Variants in FHIT observed in about 807,000 individuals in gnomAD.
FHIT encodes the protein bis(5'-adenosyl)-triphosphatase.
Under a neutral mutation model 17.9 loss-of-function variants are expected in FHIT, and 19 were observed. The observed-to-expected ratio is 1.06, with a 90% confidence interval of 0.74 to 1.56. The LOEUF (loss-of-function observed/expected upper bound fraction) is 1.56. Among genes scored for constraint, FHIT ranks in the 40% most tolerant of loss-of-function variants. The pLI, the probability that FHIT is intolerant of heterozygous loss-of-function variation, is 0.00. For missense variants in FHIT, 248 were observed against 189.2 expected (o/e 1.31, Z -1.82); for synonymous variants, 81 against 69.7 (o/e 1.16, Z -0.81).
intron 5 of FHIT, among the ~76,000 whole-genome samples, chr3:60,450,909 C>T (rs1195001143): frequency 1.3e-5 from 2 of 152,096 alleles, no homozygotes; most frequent in African/African-American, 4.8e-5. Flanking sequence ...AAATAGTAGA[C>T]TATTTTTCTC....
At chr3:59,977,880 G>A (rs572619979) in intron 7 of FHIT, among the ~76,000 whole-genome samples, 22 of 152,174 alleles carry the variant, frequency 1.4e-4, no homozygotes, top group African/African-American at 5.3e-4. Flanking sequence ...AGTGATATTT[G>A]GAATATTCAG....
chr3:60,022,651 A>C (rs1700595349), intron 5 of FHIT, among the ~76,000 whole-genome samples: 1 of 152,170 alleles, frequency 6.6e-6, no homozygotes, highest in Non-Finnish European at 1.5e-5. Context: ...ACCCCAACCA[A>C]CTTGTAGTAG....
intron 4 of FHIT, among the ~76,000 whole-genome samples, chr3:60,788,117 T>C (rs1284557622): frequency 2.0e-5 from 3 of 152,204 alleles, no homozygotes; most frequent in Non-Finnish European, 4.4e-5. Context: ...AAAGTTTACA[T>C]ATTAATCAAT....
rs1553657965 is a variant in FHIT, at chr3:59,749,515, C to CCG, written c.*69_*70insCG. On this transcript the variant is annotated 3_prime_UTR_variant, in exon 10 of 10. Transcript: ENST00000492590. ...TGATTCAGTTCCTCTTGGGGAGAGG[C>CCG]GGGGGGCGGTCTTCAAACTGGTTGG... 2.0e-3 allele frequency: 462 copies of CCG among 229,524 alleles called. 3 individuals carry two copies. The highest frequency in any genetic ancestry group is 9.4e-3 in the African/African-American group (424 of 44,942). The allele number at this position is 229,524 out of a possible 1,614,324, so 14.2% of individuals were successfully genotyped here. A position where few individuals can be genotyped will look rare whatever the true frequency, so the allele number is the denominator to read the frequency against.
chr3:60,664,336 A>T (rs1432316461), intron 4 of FHIT, among the ~76,000 whole-genome samples: 1 of 152,082 alleles, frequency 6.6e-6, no homozygotes, highest in African/African-American at 2.4e-5. Flanking sequence ...ATCCTACTTC[A>T]TCATATTACA....
At chr3:61,131,564 G>A (rs537686206) in intron 2 of FHIT, among the ~76,000 whole-genome samples, 1 of 152,322 alleles carries the variant, frequency 6.6e-6, no homozygotes, top group East Asian at 1.9e-4. Context: ...CACTGGACAT[G>A]CAAAGTGGCC....
At position 60,023,955 on chromosome 3, in the gene FHIT, T is replaced by G. The variant is rs181754406; in HGVS notation, c.104-9803A>C. ...GTGAACCAGTCCAGACTCAACTTAC[T>G]TAAATGTAAACCATTAAGAAAAATA... On this transcript the variant is annotated intron_variant, in intron 5 of 9. Transcript: ENST00000492590. 1.2e-4 allele frequency among the ~76,000 whole-genome samples: 18 copies of G among 150,886 alleles called. No homozygotes were observed. In the East Asian group the frequency reaches 3.1e-3, roughly 26 times the overall value.
chr3:60,967,236 G>A (rs1228167915), intron 3 of FHIT, among the ~76,000 whole-genome samples: 1 of 152,168 alleles, frequency 6.6e-6, no homozygotes, highest in African/African-American at 2.4e-5. Flanking sequence ...GTATTTGTGG[G>A]AATATGTATG....
intron 5 of FHIT, among the ~76,000 whole-genome samples, chr3:60,014,993 T>C (rs936385275): frequency 6.6e-6 from 1 of 151,752 alleles, no homozygotes; most frequent in Non-Finnish European, 1.5e-5. Context: ...TTTCAGTCAC[T>C]ATACACACAT....
chr3:60,215,067 C>A (rs944056487), intron 5 of FHIT, among the ~76,000 whole-genome samples: 1 of 152,040 alleles, frequency 6.6e-6, no homozygotes, highest in African/African-American at 2.4e-5. Flanking sequence ...CAATCATGTA[C>A]GATACTCACT....
chr3:60,809,646 T>G lies in FHIT; in HGVS notation c.-18+12273A>C, dbSNP rs375433338. On this transcript the variant is annotated intron_variant, in intron 4 of 9. Transcript: ENST00000492590. ...ACCCAGAGCTCTTATTAAAAACAGA[T>G]TCCTGGGCCCTGACCCCAAAGAATC... Among the ~76,000 whole-genome samples, 5 of 152,292 alleles carry G rather than the reference T, an allele frequency of 3.3e-5. 1 individual carries two copies. The highest frequency in any genetic ancestry group is 1.2e-4 in the African/African-American group (5 of 41,558).
rs1702847267 is a variant in FHIT at position 60,430,539 on chromosome 3, C to T, written c.103+106321G>A. 3.3e-5 allele frequency among the ~76,000 whole-genome samples: 5 copies of T among 152,036 alleles called. No homozygotes were observed. The South Asian group carries it at 1.0e-3, about 32-fold the overall frequency. On this transcript the variant is annotated intron_variant, in intron 5 of 9. Transcript: ENST00000492590. Reference sequence around the variant, plus strand: ...TTTTCTGCCATAAACTGCTTTCTTGCACTGTTACTTTTACAAATCACATTA... The same window carrying T: ...TTTTCTGCCATAAACTGCTTTCTTGTACTGTTACTTTTACAAATCACATTA...
intron 8 of FHIT, among the ~76,000 whole-genome samples, chr3:59,754,510 T>C (rs1266337310): frequency 6.6e-6 from 1 of 151,728 alleles, no homozygotes; most frequent in East Asian, 1.9e-4. Flanking sequence ...TCTTATCTTA[T>C]AACAATTCAA....
At chr3:60,778,478 T>A (rs115016005) in intron 4 of FHIT, among the ~76,000 whole-genome samples, 280 of 152,336 alleles carry the variant, frequency 1.8e-3, no homozygotes, top group Non-Finnish European at 3.2e-3. Flanking sequence ...GTTAGCCAAA[T>A]GGACTGAACT....
intron 7 of FHIT, among the ~76,000 whole-genome samples, chr3:59,962,678 C>A (rs1707742044): frequency 6.6e-6 from 1 of 152,142 alleles, no homozygotes. Flanking sequence ...ATGTAAACAT[C>A]TTTTCTAACC....
intron 3 of FHIT, among the ~76,000 whole-genome samples, chr3:60,975,816 T>C (rs2107539892): frequency 6.6e-6 from 1 of 152,302 alleles, no homozygotes; most frequent in East Asian, 1.9e-4. Context: ...CCCTAAATTG[T>C]CTCACAACTC....
intron 5 of FHIT, among the ~76,000 whole-genome samples, chr3:60,344,506 C>G (rs775242803): frequency 2.6e-5 from 4 of 152,146 alleles, no homozygotes; most frequent in Non-Finnish European, 5.9e-5. Context: ...ATTCCATGAG[C>G]CCATATCTTC....
chr3:60,110,839 T>C (rs908354851), intron 5 of FHIT, among the ~76,000 whole-genome samples: 2 of 152,220 alleles, frequency 1.3e-5, no homozygotes, highest in African/African-American at 4.8e-5. Flanking sequence ...GACTTTATGA[T>C]TGCCTTTAAT....
chr3:59,979,727 T>A (rs1016297243), intron 7 of FHIT, among the ~76,000 whole-genome samples: 1 of 152,118 alleles, frequency 6.6e-6, no homozygotes, highest in African/African-American at 2.4e-5. Context: ...AAGAAGGGGT[T>A]TGGTCGCTAT....
Sources: allele counts gnomAD v4.1 joint callset (sites outside exome capture counted in the v4.1 genomes callset), GRCh38; gene constraint gnomAD v4.1.1; transcripts MANE v1.5; gene names NCBI Gene and HGNC (gene_info 2026-07-23, HGNC 2026-07-21).